Variants in COL16A1 observed in about 807,000 individuals in gnomAD.
COL16A1 encodes collagen alpha-1(XVI) chain.
A neutral mutation model predicts 266.3 loss-of-function variants in COL16A1; 189 were observed. That is an observed-to-expected ratio of 0.71 (90% CI 0.63 to 0.80). The LOEUF (loss-of-function observed/expected upper bound fraction) is 0.80, where lower values mean the gene tolerates loss of function less well. Among genes scored for constraint, COL16A1 ranks in the 30% least tolerant of loss-of-function variants. The pLI is 0.00. For missense variants in COL16A1, 1,928 were observed against 2,122.4 expected (o/e 0.91, Z 1.80); for synonymous variants, 740 against 782.3 (o/e 0.95, Z 0.90).
chr1:31,684,657 C>A (rs368294069), intron 30 of COL16A1, 27 bp from the exon 31 acceptor site: 1 of 1,611,346 alleles, frequency 6.2e-7, no homozygotes, highest in Non-Finnish European at 8.5e-7. Context: ...TCAAGGAAAG[C>A]AAGGATGGCC....
intron 30 of COL16A1, 86 bp downstream of exon 30, chr1:31,684,734 TG>T: frequency 6.2e-7 from 1 of 1,609,986 alleles, no homozygotes; most frequent in Non-Finnish European, 8.5e-7. Flanking sequence ...GGCTGAGGGT[TG>T]GGGGCTAGGG....
rs1570399073 is a variant in COL16A1 at position 31,666,398 on chromosome 1, T to C, written c.3358-317A>G. ...TTATGCGGCTCCCTCTGCCTCTGAG[T>C]GGGGCGCACACTTTCCACCAACGCT... On this transcript the variant is annotated intron_variant, in intron 52 of 70. Coordinates refer to ENST00000373672, the MANE Select transcript of COL16A1 (RefSeq NM_001856.4). 8.0e-6 allele frequency: 3 copies of C among 373,194 alleles called. No individual in the cohort carries two copies. The South Asian group carries it at 1.2e-4, about 14-fold the overall frequency. 23.1% of individuals were successfully genotyped at this position (373,194 alleles called of 1,614,324 possible).
Position 31,698,637 on chromosome 1 carries a change from G to T in COL16A1, c.267-31C>A. 6.2e-7 allele frequency: 1 copy of T among 1,610,510 alleles called. No homozygotes were observed. Among genetic ancestry groups the T allele is most frequent in the Non-Finnish European group, 8.5e-7 (1 of 1,178,920 alleles). ...GATGGAGCAGGGAGGGTGCCCTGAG[G>T]CTCCAATGAGGACCCAAATGCTGCC... On this transcript the variant is annotated intron_variant, in intron 4 of 70. Transcript: ENST00000373672. This position sits in a 1 kb window ranked among gnomAD's most constrained non-coding sequence, Gnocchi z 4.1.
At chr1:31,690,969 C>G (rs1377586537) in intron 20 of COL16A1, among the ~76,000 whole-genome samples, 1 of 152,174 alleles carries the variant, frequency 6.6e-6, no homozygotes, top group Non-Finnish European at 1.5e-5. Flanking sequence ...ATACCTGGAA[C>G]ACAGGCGGAG....
rs376545653 is a variant in COL16A1 at position 31,691,612 on chromosome 1, G to A, written c.1288C>T (p.Pro430Ser). The change falls in exon 18 of 71, where the codon CCC becomes TCC. Residue 430 changes from proline (P) to serine (S), a missense_variant. Transcript: ENST00000373672. ...CCACAACTCACCTTCTGCCCTTTGG[G>A]CCCAATGACACAGATCTCTCCTGGC... ...GRPGEICVIGPKGQKGDPGFV... is the reference protein window; with the variant it reads ...GRPGEICVIGSKGQKGDPGFV... The A allele has an allele frequency of 1.1e-5, 17 of 1,613,700 alleles. No individual in the cohort carries two copies. In the East Asian group the frequency reaches 2.2e-4, roughly 21 times the overall value.
intron 4 of COL16A1, among the ~76,000 whole-genome samples, chr1:31,699,018 C>T (rs1017254700): frequency 2.6e-5 from 4 of 152,116 alleles, no homozygotes; most frequent in African/African-American, 9.7e-5. Context: ...TTGCTTGAAC[C>T]CAGGAGGTGG....
chr1:31,683,108 A>G (rs1181628885), intron 36 of COL16A1, 86 bp downstream of exon 36: 1 of 1,609,034 alleles, frequency 6.2e-7, no homozygotes, highest in Non-Finnish European at 8.5e-7. Context: ...TCTGATAGGC[A>G]TCACTTGGCC....
At chr1:31,662,897 A>G in intron 56 of COL16A1, 1 of 587,714 alleles carries the variant, frequency 1.7e-6, no homozygotes, top group East Asian at 2.8e-5. Flanking sequence ...AGGAAGGGAC[A>G]GGGCATCTTC....
intron 42 of COL16A1, 114 bp from the exon 43 acceptor site, chr1:31,675,425 G>A: frequency 1.4e-6 from 2 of 1,454,368 alleles, no homozygotes; most frequent in Non-Finnish European, 1.9e-6. Context: ...AGAGCTGAGA[G>A]CCCTGGCTGG....
intron 52 of COL16A1, chr1:31,666,355 C>A (rs1642143785): frequency 2.0e-6 from 1 of 491,504 alleles, no homozygotes; most frequent in African/African-American, 2.0e-5. Context: ...GATTATGTCA[C>A]TCTCTTGCTC....
chr1:31,691,878 T>C, intron 17 of COL16A1, 127 bp downstream of exon 17: 1 of 1,459,546 alleles, frequency 6.9e-7, no homozygotes, highest in East Asian at 2.3e-5. Flanking sequence ...TTGCTGTGCC[T>C]CCTGTGGCAC....
At chr1:31,691,969 T>C (rs772133528) in intron 17 of COL16A1, 36 bp downstream of exon 17, 1 of 1,613,370 alleles carries the variant, frequency 6.2e-7, no homozygotes, top group East Asian at 2.2e-5. Flanking sequence ...GACCCCGTGC[T>C]GTGGGTTGTG....
In COL16A1 at chr1:31,691,635, G is replaced by T; in HGVS notation, c.1265C>A (p.Pro422Gln). Residue 422 changes from proline to glutamine, a missense_variant, in exon 18 of 71, where the codon CCA becomes CAA. Physicochemically the swap from Pro to Gln is moderately conservative, Grantham distance 76. Transcript: ENST00000373672. ...VPGKPGRDGRPGEICVIGPKG... is the reference protein window; with the variant it reads ...VPGKPGRDGRQGEICVIGPKG... ...GGGCCCAATGACACAGATCTCTCCT[G>T]GCCGGCCCTGTGGGGGGATAAGGGG... is the stretch of plus-strand genomic sequence containing the variant. 6.2e-7 allele frequency: 1 copy of T among 1,613,644 alleles called. No homozygotes were observed. The highest frequency in any genetic ancestry group is 8.5e-7 in the Non-Finnish European group (1 of 1,179,912).
In COL16A1 at chr1:31,689,766, T is replaced by C. The variant is rs35791190; in HGVS notation, c.1595A>G (p.Glu532Gly). The C allele has an allele frequency of 8.1e-4, 1,305 of 1,614,040 alleles. 6 individuals carry two copies. In the African/African-American group the frequency reaches 0.016, roughly 19 times the overall value. Residue 532 changes from glutamate to glycine, a missense_variant, in exon 23 of 71, where the codon GAG becomes GGG. This residue lies in a region of COL16A1 where 1,552 missense variants were observed against 1,637.2 expected (regional missense o/e 0.95). Coordinates refer to ENST00000373672, the MANE Select transcript of COL16A1 (RefSeq NM_001856.4). ...CCTGGCTGGTACAGGATCACCAGGC[T>C]CCCCTTTGGGCCCTGGCTTTCCAGG... The part of the protein sequence containing the change: ...GLPGKPGPKG[E>G]PGDPVPARGD...
Position 31,698,209 on chromosome 1 carries a change from A to G in COL16A1, c.391-37T>C. The G allele has an allele frequency of 6.2e-7, 1 of 1,608,650 alleles. No individual in the cohort carries two copies. The highest frequency in any genetic ancestry group is 8.5e-7 in the Non-Finnish European group (1 of 1,176,912). ...TTGGAAAGGGAAAGGACAGAGATTC[A>G]GAGCTCCAGAGTCACACCATGGGCA... On this transcript the variant is annotated intron_variant, in intron 5 of 70. Transcript: ENST00000373672. The surrounding 1 kb of genome is among the most constrained non-coding windows in gnomAD (Gnocchi z 4.1).
Position 31,682,975 on chromosome 1 carries a change from C to T in COL16A1, c.2497G>A (p.Gly833Arg), listed in dbSNP as rs374104776. The T allele has an allele frequency of 5.6e-6, 9 of 1,613,856 alleles. No individual in the cohort carries two copies. Among genetic ancestry groups the T allele is most frequent in the South Asian group, 4.4e-5 (4 of 91,080 alleles). Residue 833 changes from glycine to arginine, a missense_variant, in exon 37 of 71, where the codon GGA (glycine) becomes AGA (arginine). Coordinates refer to ENST00000373672, the MANE Select transcript of COL16A1 (RefSeq NM_001856.4). ...QGSPGVKGAT[G>R]PVGPPGASVS... is the part of the protein sequence containing the mutation. ...CTGGCCCCAGGAGGTCCCACAGGTCCGGTGGCTCCTTTCACCCCTGGAGAT... is the reference window on the plus strand; with the variant it reads ...CTGGCCCCAGGAGGTCCCACAGGTCTGGTGGCTCCTTTCACCCCTGGAGAT...
rs546216962 is a variant in COL16A1 at position 31,672,730 on chromosome 1, G to T, written c.2970C>A (p.Cys990Ter). Residue 990 changes from cysteine (C) to a stop codon, truncating the protein, a stop_gained, in exon 45 of 71, where the codon TGC (cysteine) becomes TGA (stop). Coordinates refer to ENST00000373672, the MANE Select transcript of COL16A1 (RefSeq NM_001856.4). LOFTEE classifies it high-confidence loss of function. ...CCCAAGCCCAGTCCCTTACCTGGGC[G>T]CAGTTGTCGAGGCCTGGCACACCAG... ...GIPGVPGLDN[C>*]AQCFLSLERP... The T allele has an allele frequency of 6.2e-6, 10 of 1,613,986 alleles. 1 individual carries two copies. The South Asian group carries it at 1.1e-4, about 18-fold the overall frequency.
Position 31,675,311 on chromosome 1 carries a change from C to T in COL16A1, c.2773G>A (p.Gly925Arg). Residue 925 changes from glycine (G) to arginine (R), a missense_variant and splice_region_variant, in exon 43 of 71, where the codon GGA becomes AGA. This residue lies in a region of COL16A1 where 1,552 missense variants were observed against 1,637.2 expected (regional missense o/e 0.95). Transcript: ENST00000373672. ...GGCAAACCGTTGTTTCCAGGCACTC[C>T]CTGTAGCCAAGAAGAGACACGAGTG... Reference protein sequence around the residue: ...PGPPGVPGLQGVPGNNGLPGQ... With the variant: ...PGPPGVPGLQRVPGNNGLPGQ... 1 of 1,613,802 alleles carries T rather than the reference C, an allele frequency of 6.2e-7. No individual in the cohort carries two copies. Among genetic ancestry groups the T allele is most frequent in the Non-Finnish European group, 8.5e-7 (1 of 1,179,910 alleles).
Position 31,672,713 on chromosome 1 carries a change from C to T in COL16A1, c.2976+11G>A, listed in dbSNP as rs564253032. 3.1e-6 allele frequency: 5 copies of T among 1,613,434 alleles called. No homozygotes were observed. The East Asian group carries it at 1.1e-4, about 36-fold the overall frequency. Reference sequence around the variant, plus strand: ...CTCCTGCATAGGGCAGCCCCAAGCCCAGTCCCTTACCTGGGCGCAGTTGTC... The same window carrying T: ...CTCCTGCATAGGGCAGCCCCAAGCCTAGTCCCTTACCTGGGCGCAGTTGTC... On this transcript the variant is annotated intron_variant, in intron 45 of 70. Transcript: ENST00000373672.
Sources: gnomAD v4.1 joint callset for allele counts (sites outside exome capture counted in the v4.1 genomes callset) on GRCh38, gnomAD v4.1.1 for gene constraint, gnomAD v4.1.1 regional missense constraint, Gnocchi (gnomAD v3.1) non-coding constraint, MANE v1.5 for transcripts, NCBI Gene and HGNC (gene_info 2026-07-23, HGNC 2026-07-21) for gene names.